The following CAMK2B variants were observed in gnomAD, a reference collection of about 807,000 sequenced individuals.
CAMK2B encodes calcium/calmodulin-dependent protein kinase type II subunit beta.
A neutral mutation model predicts 93.7 loss-of-function variants in CAMK2B; 27 were observed. The observed-to-expected ratio is 0.29, with a 90% CI of 0.21 to 0.40. The LOEUF is 0.40. Ranked by LOEUF, CAMK2B falls within the 10% of genes least tolerant of loss-of-function variation. The pLI, the probability that CAMK2B is intolerant of heterozygous loss-of-function variation, is 1.00. For synonymous variants in CAMK2B, 374 were observed against 358.8 expected, an observed-to-expected ratio of 1.04 and a Z score of -0.48; for missense variants, 568 against 895.8, an observed-to-expected ratio of 0.63 and a Z score of 4.67.
intron 16 of CAMK2B, among the ~76,000 whole-genome samples, chr7:44,232,369 A>G (rs773949011): frequency 7.2e-5 from 11 of 152,158 alleles, no homozygotes; most frequent in Non-Finnish European, 1.5e-4. Flanking sequence ...GATGATGCCA[A>G]TGTGATGGGA....
intron 2 of CAMK2B, among the ~76,000 whole-genome samples, chr7:44,269,709 G>C (rs957704939): frequency 6.6e-6 from 1 of 152,092 alleles, no homozygotes; most frequent in South Asian, 2.1e-4. Flanking sequence ...GGGGCAGGAG[G>C]GGGAGGCACA....
Position 44,225,819 on chromosome 7 carries a change from A to G in CAMK2B, c.1597+697T>C, listed in dbSNP as rs1056418414. 10 of 1,289,218 alleles carry G rather than the reference A, an allele frequency of 7.8e-6. No individual in the cohort carries two copies. In the African/African-American group the frequency reaches 1.4e-4, roughly 18 times the overall value. The allele number at this position is 1,289,218 out of a possible 1,614,324, so 79.9% of individuals were successfully genotyped here. ...GCCCAGCAGCCTCTTCTCTAAGAGTATCTCCACACCACCCCCAGTCTGGTG... is the reference window on the plus strand; with the variant it reads ...GCCCAGCAGCCTCTTCTCTAAGAGTGTCTCCACACCACCCCCAGTCTGGTG... On this transcript the variant is annotated intron_variant, in intron 20 of 23. Coordinates refer to ENST00000395749, the MANE Select transcript of CAMK2B (RefSeq NM_001220.5). The surrounding 1 kb of genome is among the most constrained non-coding windows in gnomAD (Gnocchi z 5.0).
intron 5 of CAMK2B, among the ~76,000 whole-genome samples, chr7:44,252,940 C>A (rs2096793679): frequency 6.6e-6 from 1 of 152,204 alleles, no homozygotes; most frequent in Non-Finnish European, 1.5e-5. Flanking sequence ...CTCAAGGATC[C>A]TTAGAAAAGA....
At position 44,240,763 on chromosome 7, in the gene CAMK2B, C is replaced by T. The variant is rs1328626688; in HGVS notation, c.904-14G>A. The T allele has an allele frequency of 1.2e-6, 2 of 1,613,318 alleles. No individual in the cohort carries two copies. The highest frequency in any genetic ancestry group is 2.7e-5 in the African/African-American group (2 of 75,036). Reference sequence around the variant, plus strand: ...GAGGATGGCTCCCTGGGGAGAGACACAGATAAAACCGGGGCTATCCCATCA... The same window carrying T: ...GAGGATGGCTCCCTGGGGAGAGACATAGATAAAACCGGGGCTATCCCATCA... On this transcript the variant is annotated splice_polypyrimidine_tract_variant and intron_variant, in intron 11 of 23. Coordinates refer to ENST00000395749, the MANE Select transcript of CAMK2B (RefSeq NM_001220.5).
At chr7:44,288,240 G>A (rs550741827) in intron 1 of CAMK2B, among the ~76,000 whole-genome samples, 1 of 152,384 alleles carries the variant, frequency 6.6e-6, no homozygotes, top group East Asian at 1.9e-4. Context: ...AGCGCACAGA[G>A]GCTCGAAGCC....
At chr7:44,243,635 C>G (rs1036813738) in intron 6 of CAMK2B, 108 bp from the exon 7 acceptor site, 32 of 804,712 alleles carry the variant, frequency 4.0e-5, no homozygotes, top group Non-Finnish European at 5.9e-5. Flanking sequence ...TTGCAAGAGA[C>G]AGGTGCACAG....
At chr7:44,249,103 C>A (rs2096756672) in intron 5 of CAMK2B, among the ~76,000 whole-genome samples, 1 of 152,220 alleles carries the variant, frequency 6.6e-6, no homozygotes, top group Non-Finnish European at 1.5e-5. Context: ...GAAGTCAGCC[C>A]ATGACAAGCC....
intron 1 of CAMK2B, among the ~76,000 whole-genome samples, chr7:44,296,733 A>G (rs1293446897): frequency 1.3e-5 from 2 of 152,230 alleles, no homozygotes; most frequent in African/African-American, 4.8e-5. Flanking sequence ...ATTACATCAG[A>G]CTTCTCAAGC....
At chr7:44,253,907 T>TG (rs2096805445) in intron 5 of CAMK2B, among the ~76,000 whole-genome samples, 2 of 149,796 alleles carry the variant, frequency 1.3e-5, no homozygotes, top group Non-Finnish European at 3.0e-5. Context: ...CTCAGTTTTT[T>TG]TTTTTTTTTT....
At chr7:44,235,239 C>T (rs1193022942) in intron 13 of CAMK2B, among the ~76,000 whole-genome samples, 2 of 152,254 alleles carry the variant, frequency 1.3e-5, no homozygotes, top group African/African-American at 2.4e-5. Context: ...CCCATTGGCT[C>T]CTTGGCTCAG....
At chr7:44,279,914 G>A (rs138992270) in intron 2 of CAMK2B, among the ~76,000 whole-genome samples, 97 of 152,268 alleles carry the variant, frequency 6.4e-4, no homozygotes, top group African/African-American at 2.2e-3. Context: ...TGGAGTGAAC[G>A]AGCACAAGAC....
intron 13 of CAMK2B, among the ~76,000 whole-genome samples, chr7:44,238,451 G>A (rs533762857): frequency 7.9e-5 from 12 of 152,284 alleles, no homozygotes; most frequent in African/African-American, 2.2e-4. Context: ...GCCCCCTCCC[G>A]CCTGCGCTCT....
At chr7:44,239,717 G>C (rs550061171) in intron 12 of CAMK2B, 54 bp from the exon 13 acceptor site, 15 of 1,254,324 alleles carry the variant, frequency 1.2e-5, no homozygotes, top group Middle Eastern at 2.1e-4. Flanking sequence ...GGACACAGAC[G>C]AGGGGTGGGC....
At chr7:44,273,263 G>A (rs2096992350) in intron 2 of CAMK2B, among the ~76,000 whole-genome samples, 1 of 152,154 alleles carries the variant, frequency 6.6e-6, no homozygotes, top group Admixed American at 6.5e-5. Context: ...GCCCCTGCCT[G>A]TTCACTGTGT....
chr7:44,220,968 C>T, intron 20 of CAMK2B, 67 bp from the exon 21 acceptor site: 1 of 1,375,602 alleles, frequency 7.3e-7, no homozygotes, highest in South Asian at 1.2e-5. Flanking sequence ...CTCCACACAG[C>T]CCAGGGGAGG....
At chr7:44,253,027 G>C (rs1394514713) in intron 5 of CAMK2B, among the ~76,000 whole-genome samples, 3 of 152,132 alleles carry the variant, frequency 2.0e-5, no homozygotes, top group Non-Finnish European at 4.4e-5. Context: ...CCCAGCTCTA[G>C]GGGAGGCCCA....
At position 44,239,630 on chromosome 7, in the gene CAMK2B, G is replaced by A. The variant is rs1339440353; in HGVS notation, c.980C>T (p.Ser327Phe). ...CATGGTGGTGCCGGAGGCCGCGGTG[G>A]ACATTGTGGCCGGAGCGGTGGTCTG... ...GRQTTAPATM[S>F]TAASGTTMGL... Residue 327 changes from serine (S) to phenylalanine (F), a missense_variant, in exon 13 of 24, where the codon TCC becomes TTC. By Grantham distance (155) the Ser-to-Phe change is radical. Transcript: ENST00000395749. The A allele has an allele frequency of 6.5e-7, 1 of 1,547,602 alleles. No individual in the cohort carries two copies. The highest frequency in any genetic ancestry group is 1.4e-5 in the African/African-American group (1 of 72,938).
rs753032078 is a variant in CAMK2B, at chr7:44,241,821, G to A, written c.820-38C>T. On this transcript the variant is annotated intron_variant, in intron 10 of 23. Coordinates refer to ENST00000395749, the MANE Select transcript of CAMK2B (RefSeq NM_001220.5). The stretch of plus-strand genomic sequence containing the variant: ...GGGTGGTCATATGGCAGCCGAGCCC[G>A]AGGCACAGGGGAGAGGCCAGGGTGG... 1.8e-5 allele frequency: 28 copies of A among 1,545,520 alleles called. No homozygotes were observed. In the East Asian group the frequency reaches 2.2e-4, roughly 12 times the overall value.
intron 2 of CAMK2B, among the ~76,000 whole-genome samples, chr7:44,276,714 T>TCGGGCCTGGGAGGTGAGCCC (rs2097048106): frequency 6.6e-6 from 1 of 152,098 alleles, no homozygotes; most frequent in African/African-American, 2.4e-5. Context: ...GGGGTGAGCC[T>TCGGGCCTGGGAGGTGAGCCC]CGGGCCTGGG....
Sources: allele counts gnomAD v4.1 joint callset (sites outside exome capture counted in the v4.1 genomes callset), GRCh38; gene constraint gnomAD v4.1.1; non-coding constraint Gnocchi (gnomAD v3.1); transcripts MANE v1.5; gene names NCBI Gene and HGNC (gene_info 2026-07-23, HGNC 2026-07-21).